The following DPF3 variants were observed in gnomAD, a reference collection of about 807,000 sequenced individuals.
DPF3 encodes the protein double PHD fingers 3.
A neutral mutation model predicts 56.8 loss-of-function variants in DPF3; 18 were observed. The observed-to-expected ratio is 0.32, with a 90% CI of 0.22 to 0.47. The LOEUF is 0.47. Among genes scored for constraint, DPF3 ranks in the 20% least tolerant of loss-of-function variants. The pLI, the probability that DPF3 is intolerant of heterozygous loss-of-function variation, is 1.00. For missense variants in DPF3, 403 were observed against 488.8 expected (o/e 0.82, Z 1.65); for synonymous variants, 188 against 180.2 (o/e 1.04, Z -0.35).
intron 6 of DPF3, among the ~76,000 whole-genome samples, chr14:72,700,307 A>T (rs1417477537): frequency 6.6e-6 from 1 of 152,136 alleles, no homozygotes; most frequent in Non-Finnish European, 1.5e-5. Flanking sequence ...AAGGCCCCAC[A>T]CTTGGTTTAA....
At chr14:72,716,245 C>T (rs116269098) in intron 5 of DPF3, among the ~76,000 whole-genome samples, 58 of 152,174 alleles carry the variant, frequency 3.8e-4, no homozygotes, top group African/African-American at 1.3e-3. Flanking sequence ...GCTGTGGGAG[C>T]CAGGTTTTCA....
intron 3 of DPF3, among the ~76,000 whole-genome samples, chr14:72,744,465 G>T (rs1890248725): frequency 6.6e-6 from 1 of 151,562 alleles, no homozygotes; most frequent in Admixed American, 6.6e-5. Flanking sequence ...GTAGAGACAG[G>T]TTCTTGCCAT....
chr14:72,740,633 C>A (rs1482436564), intron 3 of DPF3, among the ~76,000 whole-genome samples: 1 of 152,162 alleles, frequency 6.6e-6, no homozygotes, highest in Admixed American at 6.5e-5. Context: ...GGTGAGTCCA[C>A]GGAGGAATGG....
chr14:72,658,362 G>A (rs1000317231), intron 8 of DPF3, among the ~76,000 whole-genome samples: 11 of 151,722 alleles, frequency 7.3e-5, no homozygotes, highest in African/African-American at 1.7e-4. Flanking sequence ...TTAAAATTCC[G>A]GAAGGATTTT....
intron 1 of DPF3, among the ~76,000 whole-genome samples, chr14:72,871,257 T>G (rs1191772240): frequency 6.6e-6 from 1 of 152,208 alleles, no homozygotes; most frequent in Admixed American, 6.5e-5. Flanking sequence ...CATTCTGCCC[T>G]TGGCCCTTCC....
intron 8 of DPF3, among the ~76,000 whole-genome samples, chr14:72,665,955 T>C (rs1033589646): frequency 2.0e-5 from 3 of 152,238 alleles, no homozygotes; most frequent in African/African-American, 4.8e-5. Context: ...AGTGGTGAGA[T>C]ACTTTGAAAA....
intron 8 of DPF3, chr14:72,662,929 G>T: frequency 7.4e-6 from 5 of 673,096 alleles, no homozygotes; most frequent in Non-Finnish European, 8.8e-6. Flanking sequence ...TGACAGAAAT[G>T]AAATGAATTA....
chr14:72,792,420 A>G (rs1357491484), intron 1 of DPF3, among the ~76,000 whole-genome samples: 3 of 150,120 alleles, frequency 2.0e-5, no homozygotes, highest in Non-Finnish European at 4.4e-5. Flanking sequence ...CAAAAAAAGA[A>G]AAGAAAAAAA....
chr14:72,619,789 A>T, intron 10 of DPF3, 114 bp downstream of exon 10: 2 of 1,012,802 alleles, frequency 2.0e-6, no homozygotes, highest in Non-Finnish European at 2.7e-6. Context: ...AAATGAGACA[A>T]GACATGAACA....
chr14:72,880,402 A>T lies in DPF3; in HGVS notation c.32+13655T>A, dbSNP rs74990002. 3.8e-3 allele frequency among the ~76,000 whole-genome samples: 585 copies of T among 152,360 alleles called. 4 individuals carry two copies. Among genetic ancestry groups the T allele is most frequent in the African/African-American group, 0.011 (465 of 41,592 alleles). On this transcript the variant is annotated intron_variant, in intron 1 of 10. Transcript: ENST00000556509. Reference sequence around the variant, plus strand: ...TAGCAACGAGTAACCCTGAAGACACATCACCAAACCCAGATGCCAAAAAGG... The same window carrying T: ...TAGCAACGAGTAACCCTGAAGACACTTCACCAAACCCAGATGCCAAAAAGG...
chr14:72,839,069 C>T (rs111626493), intron 1 of DPF3, among the ~76,000 whole-genome samples: 11,634 of 151,004 alleles, frequency 0.077, 641 homozygotes, highest in South Asian at 0.18. Flanking sequence ...TACAGGAGCA[C>T]GCCACCACAC....
chr14:72,791,224 A>G (rs1892416982), intron 1 of DPF3, among the ~76,000 whole-genome samples: 1 of 151,964 alleles, frequency 6.6e-6, no homozygotes, highest in South Asian at 2.1e-4. Context: ...AACACTCCTC[A>G]GTTTACTTCG....
chr14:72,817,192 G>A (rs1487231107), intron 1 of DPF3, among the ~76,000 whole-genome samples: 1 of 152,112 alleles, frequency 6.6e-6, no homozygotes, highest in Non-Finnish European at 1.5e-5. Flanking sequence ...CACCAACCCA[G>A]GTAAGCCTAA....
At chr14:72,813,724 G>T (rs1277043804) in intron 1 of DPF3, among the ~76,000 whole-genome samples, 3 of 152,196 alleles carry the variant, frequency 2.0e-5, no homozygotes, top group African/African-American at 7.2e-5. Context: ...TAACCTTTAT[G>T]AATCTCATTT....
chr14:72,688,124 G>A (rs1288914118), intron 7 of DPF3, among the ~76,000 whole-genome samples: 1 of 145,510 alleles, frequency 6.9e-6, no homozygotes, highest in African/African-American at 2.5e-5. Flanking sequence ...ATGGATGGGT[G>A]GATGGATAGA....
At chr14:72,885,369 G>GGTTTGTTT (rs36017937) in intron 1 of DPF3, among the ~76,000 whole-genome samples, 120 of 149,218 alleles carry the variant, frequency 8.0e-4, no homozygotes, top group Non-Finnish European at 1.1e-3. Flanking sequence ...TAATTTTTTG[G>GGTTTGTTT]GTTTGTTTGT....
At chr14:72,726,435 ACTTCT>A (rs897645677) in intron 4 of DPF3, among the ~76,000 whole-genome samples, 1 of 152,076 alleles carries the variant, frequency 6.6e-6, no homozygotes, top group African/African-American at 2.4e-5. Flanking sequence ...GAGTAAACTG[ACTTCT>A]CTTCTCCCTG....
chr14:72,742,188 C>T (rs933453581), intron 3 of DPF3, among the ~76,000 whole-genome samples: 3 of 152,212 alleles, frequency 2.0e-5, no homozygotes, highest in African/African-American at 4.8e-5. Context: ...ACGAAGCTGC[C>T]GGTGCAGGCC....
intron 1 of DPF3, among the ~76,000 whole-genome samples, chr14:72,876,769 T>C (rs2140118983): frequency 6.6e-6 from 1 of 152,352 alleles, no homozygotes; most frequent in Non-Finnish European, 1.5e-5. Flanking sequence ...GCATCCTCTG[T>C]CATCCCAGCC....
Sources: allele counts gnomAD v4.1 joint callset (sites outside exome capture counted in the v4.1 genomes callset), GRCh38; gene constraint gnomAD v4.1.1; transcripts MANE v1.5; gene names NCBI Gene and HGNC (gene_info 2026-07-23, HGNC 2026-07-21).